TIAM1: variants seen among roughly 807,000 people sequenced by gnomAD.
TIAM1 encodes rho guanine nucleotide exchange factor TIAM1.
TIAM1 carries 65 observed loss-of-function variants against 163.5 expected under a neutral mutation model. That is an observed-to-expected ratio of 0.40 (90% confidence interval 0.33 to 0.49). The LOEUF is 0.49. Ranked by LOEUF, TIAM1 falls within the 20% of genes least tolerant of loss-of-function variation. The pLI, the probability that TIAM1 is intolerant of heterozygous loss-of-function variation, is 0.77. For synonymous variants in TIAM1, 833 were observed against 810.1 expected, an observed-to-expected ratio of 1.03 and a Z score of -0.48; for missense variants, 1,789 against 2,044.7, an observed-to-expected ratio of 0.87 and a Z score of 2.41.
At chr21:31,316,066 A>C (rs1385713720) in intron 2 of TIAM1, among the ~76,000 whole-genome samples, 3 of 152,190 alleles carry the variant, frequency 2.0e-5, no homozygotes, top group Admixed American at 6.5e-5. Context: ...AATAACCTTC[A>C]CTCATTTCTT....
At chr21:31,334,690 C>T (rs1409884194) in intron 2 of TIAM1, among the ~76,000 whole-genome samples, 1 of 152,166 alleles carries the variant, frequency 6.6e-6, no homozygotes, top group Non-Finnish European at 1.5e-5. Context: ...TCATTCCCAT[C>T]CCCATAAGCA....
intron 2 of TIAM1, among the ~76,000 whole-genome samples, chr21:31,427,446 C>T (rs1336723580): frequency 6.6e-6 from 1 of 151,740 alleles, no homozygotes; most frequent in Non-Finnish European, 1.5e-5. Context: ...GAGATTATGC[C>T]ACTGCACTCC....
intron 2 of TIAM1, among the ~76,000 whole-genome samples, chr21:31,325,597 T>C (rs1487633825): frequency 1.4e-5 from 2 of 146,810 alleles, no homozygotes; most frequent in Admixed American, 1.4e-4. Flanking sequence ...GAACCCGGGA[T>C]GCAGAGGTTG....
intron 2 of TIAM1, among the ~76,000 whole-genome samples, chr21:31,387,860 C>T (rs1414452753): frequency 2.0e-5 from 3 of 151,982 alleles, no homozygotes; most frequent in East Asian, 3.9e-4. Context: ...GGAGTGAAGT[C>T]GCCTCCTCCC....
In TIAM1 at chr21:31,252,015, G is replaced by C. The variant is rs758953625; in HGVS notation, c.1138C>G (p.Arg380Gly). ...SGSSSTGDAA[R>G]QGVYENFRRE... ...CGGAAGTTCTCGTACACCCCCTGAC[G>C]AGCCGCATCCCCGGTGGAGCTGCTG... The change falls in exon 5 of 28, where the codon CGT (arginine) becomes GGT (glycine). Residue 380 changes from arginine (R) to glycine (G), a missense_variant. This residue lies in a region of TIAM1 where 555 missense variants were observed against 564.9 expected (regional missense o/e 0.98). Coordinates refer to ENST00000541036, the MANE Select transcript of TIAM1 (RefSeq NM_001353694.2). 6.2e-7 allele frequency: 1 copy of C among 1,613,950 alleles called. No homozygotes were observed. The highest frequency in any genetic ancestry group is 8.5e-7 in the Non-Finnish European group (1 of 1,179,972).
At chr21:31,211,949 G>A (rs1452477709) in intron 10 of TIAM1, among the ~76,000 whole-genome samples, 1 of 152,222 alleles carries the variant, frequency 6.6e-6, no homozygotes, top group African/African-American at 2.4e-5. Flanking sequence ...GTGGTCTAGA[G>A]AAGATATCTC....
chr21:31,435,817 G>A (rs1021778425), intron 2 of TIAM1, among the ~76,000 whole-genome samples: 8 of 152,174 alleles, frequency 5.3e-5, no homozygotes, highest in African/African-American at 1.9e-4. Flanking sequence ...TCACTGTCTT[G>A]GAAGTGGGTT....
chr21:31,472,944 C>T (rs1569362202), intron 1 of TIAM1, among the ~76,000 whole-genome samples: 1 of 152,164 alleles, frequency 6.6e-6, no homozygotes, highest in African/African-American at 2.4e-5. Flanking sequence ...TGCAAGTCTT[C>T]GCACTCCAGT....
chr21:31,542,197 G>A lies in TIAM1; in HGVS notation c.-422+16730C>T, dbSNP rs555042898. Reference sequence around the variant, plus strand: ...TCCCAGCACTTTGGGAGGCCGAGGCGGGAGGATGACAAAGTCAGGAGAACG... The same window carrying A: ...TCCCAGCACTTTGGGAGGCCGAGGCAGGAGGATGACAAAGTCAGGAGAACG... On this transcript the variant is annotated intron_variant, in intron 1 of 28. Coordinates refer to the TIAM1 transcript ENST00000286827. 2.5e-4 allele frequency among the ~76,000 whole-genome samples: 38 copies of A among 152,202 alleles called. No individual in the cohort carries two copies. In the East Asian group the frequency reaches 5.2e-3, roughly 21 times the overall value.
chr21:31,274,303 C>A (rs1254455161), intron 3 of TIAM1, among the ~76,000 whole-genome samples: 1 of 152,096 alleles, frequency 6.6e-6, no homozygotes, highest in African/African-American at 2.4e-5. Flanking sequence ...ACGTACCTTG[C>A]ATTTTTAAAC....
intron 1 of TIAM1, among the ~76,000 whole-genome samples, chr21:31,485,595 C>T (rs1033177107): frequency 2.0e-5 from 3 of 152,248 alleles, no homozygotes; most frequent in Admixed American, 6.5e-5. Context: ...CTCCAGCAGC[C>T]GCCATTGTAT....
At position 31,127,092 on chromosome 21, in the gene TIAM1, G is replaced by A. The variant is rs2082228018; in HGVS notation, c.4106C>T (p.Pro1369Leu). ...VHVKSESEGR[P>L]ERVFHLCCSS... ...GCAGCACAAGTGAAAGACCCTCTCC[G>A]GCCTCCCTTCAGACTCGGATTTTAC... The change falls in exon 26 of 28, where the codon CCG (proline) becomes CTG (leucine). Residue 1369 changes from proline (P) to leucine (L), a missense_variant. Physicochemically the swap from Pro to Leu is moderately conservative, Grantham distance 98. Transcript: ENST00000541036. 1.9e-6 allele frequency: 3 copies of A among 1,614,020 alleles called. No individual in the cohort carries two copies. The highest frequency in any genetic ancestry group is 1.3e-5 in the African/African-American group (1 of 75,016).
chr21:31,204,264 GA>G (rs2086343918), intron 11 of TIAM1, among the ~76,000 whole-genome samples: 2 of 152,074 alleles, frequency 1.3e-5, no homozygotes, highest in Non-Finnish European at 2.9e-5. Flanking sequence ...ATAATGTCTG[GA>G]ATTTGCTTCC....
intron 1 of TIAM1, among the ~76,000 whole-genome samples, chr21:31,505,829 T>A (rs961794319): frequency 3.3e-5 from 5 of 151,702 alleles, no homozygotes; most frequent in African/African-American, 1.2e-4. Flanking sequence ...ACACAGTGAA[T>A]GAAACCCCGT....
chr21:31,204,437 C>G (rs1336413776), intron 11 of TIAM1, among the ~76,000 whole-genome samples: 1 of 152,180 alleles, frequency 6.6e-6, no homozygotes, highest in Non-Finnish European at 1.5e-5. Flanking sequence ...TCTTCACATT[C>G]AAAGCTCTGC....
intron 15 of TIAM1, among the ~76,000 whole-genome samples, chr21:31,179,416 T>A (rs980502244): frequency 1.3e-5 from 2 of 150,844 alleles, no homozygotes; most frequent in African/African-American, 2.4e-5. Context: ...AATGAAAAAA[T>A]GAAAAACTAC....
upstream of TIAM1, chr21:31,559,065 G>T (rs961251258): frequency 6.6e-6 from 1 of 152,018 alleles, no homozygotes. Flanking sequence ...TCTGCCGGCC[G>T]CGCTCGAACC....
intron 15 of TIAM1, among the ~76,000 whole-genome samples, chr21:31,165,746 T>C (rs2146367342): frequency 6.6e-6 from 1 of 152,152 alleles, no homozygotes; most frequent in East Asian, 1.9e-4. Context: ...AGCAAATTGA[T>C]GAATTAATTC....
At chr21:31,361,299 T>C (rs1201882500) in intron 2 of TIAM1, among the ~76,000 whole-genome samples, 1 of 150,280 alleles carries the variant, frequency 6.7e-6, no homozygotes, top group Non-Finnish European at 1.5e-5. Flanking sequence ...ACAAGCAAAA[T>C]TAAACTACAG....
Sources: allele counts gnomAD v4.1 joint callset (sites outside exome capture counted in the v4.1 genomes callset), GRCh38; gene constraint gnomAD v4.1.1; regional missense constraint gnomAD v4.1.1; transcripts MANE v1.5; gene names NCBI Gene and HGNC (gene_info 2026-07-23, HGNC 2026-07-21).